Variants in SLC4A4 observed in about 807,000 individuals in gnomAD.
The protein encoded by SLC4A4 is electrogenic sodium bicarbonate cotransporter 1.
SLC4A4 carries 27 observed loss-of-function variants against 111.5 expected under a neutral mutation model. The ratio of observed to expected loss-of-function variants is 0.24; its 90% CI spans 0.18 to 0.33. SLC4A4 has a LOEUF of 0.33. Ranked by LOEUF, SLC4A4 falls within the 10% of genes least tolerant of loss-of-function variation. The pLI, the probability that SLC4A4 is intolerant of heterozygous loss-of-function variation, is 1.00. For synonymous variants in SLC4A4, 443 were observed against 463.4 expected, an observed-to-expected ratio of 0.96 and a Z score of 0.57; for missense variants, 909 against 1,315.5, an observed-to-expected ratio of 0.69 and a Z score of 4.78.
At chr4:71,142,856 C>T (rs186290607) in intron 2 of SLC4A4, among the ~76,000 whole-genome samples, 4 of 149,310 alleles carry the variant, frequency 2.7e-5, no homozygotes, top group Non-Finnish European at 4.4e-5. Context: ...TCTAGGCATG[C>T]GCAAACTGGC....
At chr4:71,353,788 A>G (rs1302814223) in intron 5 of SLC4A4, among the ~76,000 whole-genome samples, 1 of 152,190 alleles carries the variant, frequency 6.6e-6, no homozygotes, top group Admixed American at 6.5e-5. Flanking sequence ...CAAACAAACA[A>G]TAGCTGCTTT....
rs142694916 is a variant in SLC4A4, at chr4:71,079,860, G to T, written c.-64-12870G>T. On this transcript the variant is annotated intron_variant, in intron 1 of 26. Coordinates refer to the SLC4A4 transcript ENST00000649996. The stretch of plus-strand genomic sequence containing the variant: ...GCAAGTCATCATATGTCACTGTCTG[G>T]AGACAGACTCCCCTGTGAGTGCGGT... 7.4e-3 allele frequency among the ~76,000 whole-genome samples: 1,121 copies of T among 150,956 alleles called. 22 individuals are homozygous for T. Among genetic ancestry groups the T allele is most frequent in the African/African-American group, 0.026 (1,056 of 40,340 alleles).
chr4:71,234,495 G>A (rs549524942), intron 1 of SLC4A4, among the ~76,000 whole-genome samples: 126 of 152,206 alleles, frequency 8.3e-4, no homozygotes, highest in Admixed American at 1.4e-3. Context: ...GCGCTATCTC[G>A]GCTCACTGCA....
At chr4:71,136,741 G>A (rs1294067455) in intron 2 of SLC4A4, among the ~76,000 whole-genome samples, 1 of 152,144 alleles carries the variant, frequency 6.6e-6, no homozygotes, top group African/African-American at 2.4e-5. Flanking sequence ...CTACCTCAAG[G>A]AGTGTTAGGT....
At chr4:71,142,377 A>G (rs1160821605) in intron 2 of SLC4A4, among the ~76,000 whole-genome samples, 1 of 152,222 alleles carries the variant, frequency 6.6e-6, no homozygotes, top group Admixed American at 6.5e-5. Context: ...GGCGTTGGCT[A>G]AAGTAATCTT....
Position 71,209,154 on chromosome 4 carries a change from C to G in SLC4A4, c.-2+21753C>G, listed in dbSNP as rs1046425623. ...TATATGACAAGGGCACATATTTTTT[C>G]CCCCCATGCTCAATATAATATGCAA... On this transcript the variant is annotated intron_variant, in intron 1 of 25. Coordinates refer to ENST00000264485, the MANE Select transcript of SLC4A4 (RefSeq NM_001098484.3). Among the ~76,000 whole-genome samples, 4 of 152,168 alleles carry G rather than the reference C, an allele frequency of 2.6e-5. No individual in the cohort carries two copies. In the East Asian group the frequency reaches 5.8e-4, roughly 22 times the overall value.
At chr4:71,412,831 G>A (rs1280585214) in intron 7 of SLC4A4, among the ~76,000 whole-genome samples, 2 of 152,154 alleles carry the variant, frequency 1.3e-5, no homozygotes, top group Non-Finnish European at 2.9e-5. Flanking sequence ...CTGTATGTTA[G>A]GAATGTGTTC....
chr4:71,253,049 G>A (rs1721184414), intron 2 of SLC4A4, among the ~76,000 whole-genome samples: 2 of 152,136 alleles, frequency 1.3e-5, no homozygotes. Flanking sequence ...AGTGCACAGG[G>A]AAAACCAAGA....
chr4:71,460,668 G>A (rs1282904872), intron 12 of SLC4A4, among the ~76,000 whole-genome samples: 1 of 152,018 alleles, frequency 6.6e-6, no homozygotes, highest in Non-Finnish European at 1.5e-5. Context: ...AAAAAATGAG[G>A]GTTGTATATC....
rs1259216808 is a variant in SLC4A4, at chr4:71,237,419, A to AATCAGG, written c.73+771_73+776dup. 2.0e-5 allele frequency among the ~76,000 whole-genome samples: 3 copies of AATCAGG among 152,206 alleles called. No homozygotes were observed. The East Asian group carries it at 5.8e-4, about 29-fold the overall frequency. ...TCATATTTATAATGAGATTTTTAAA[A>AATCAGG]ATCAGGGTTATAGGCAATACTCAAA... On this transcript the variant is annotated intron_variant, in intron 2 of 25. Transcript: ENST00000264485.
intron 3 of SLC4A4, among the ~76,000 whole-genome samples, chr4:71,286,834 G>A (rs1239003585): frequency 1.3e-5 from 2 of 152,022 alleles, no homozygotes; most frequent in Non-Finnish European, 2.9e-5. Flanking sequence ...CAGGCACTAT[G>A]TTGTACATTC....
At chr4:71,504,663 TG>T (rs59792240) in intron 16 of SLC4A4, among the ~76,000 whole-genome samples, 5,978 of 136,492 alleles carry the variant, frequency 0.044, 218 homozygotes, top group African/African-American at 0.091. Flanking sequence ...TTGTGTTTCA[TG>T]GGGGGGGGGG....
intron 2 of SLC4A4, among the ~76,000 whole-genome samples, chr4:71,100,786 A>C (rs1331527404): frequency 1.3e-5 from 2 of 152,220 alleles, no homozygotes; most frequent in Non-Finnish European, 2.9e-5. Flanking sequence ...AATCACCAGC[A>C]TTCCTATACT....
At chr4:71,324,760 T>C (rs759255052) in intron 3 of SLC4A4, among the ~76,000 whole-genome samples, 3 of 152,034 alleles carry the variant, frequency 2.0e-5, no homozygotes, top group Admixed American at 6.6e-5. Context: ...CCAGGTAGAT[T>C]ATTTTTCTAC....
rs971058458 is a variant in SLC4A4 at position 71,571,419 on chromosome 4, T to C, written c.*3668T>C. The C allele has an allele frequency of 1.3e-5, 2 of 152,152 alleles. No individual in the cohort carries two copies. Among genetic ancestry groups the C allele is most frequent in the African/African-American group, 4.8e-5 (2 of 41,408 alleles). 9.4% of individuals were successfully genotyped at this position (152,152 alleles called of 1,614,324 possible). On this transcript the variant is annotated 3_prime_UTR_variant, in exon 26 of 26. Transcript: ENST00000264485. ...CAAGTGATATTTTGTAGCACCTCACTATCTGAAAGGCCATGAGTTTTCAGA... is the reference window on the plus strand; with the variant it reads ...CAAGTGATATTTTGTAGCACCTCACCATCTGAAAGGCCATGAGTTTTCAGA...
intron 2 of SLC4A4, among the ~76,000 whole-genome samples, chr4:71,134,720 A>G (rs1292011625): frequency 6.6e-6 from 1 of 152,118 alleles, no homozygotes; most frequent in Non-Finnish European, 1.5e-5. Flanking sequence ...AGCTTTGGCA[A>G]TTGCTCATTT....
At chr4:71,146,372 G>T (rs1362910191) in intron 2 of SLC4A4, among the ~76,000 whole-genome samples, 2 of 152,140 alleles carry the variant, frequency 1.3e-5, no homozygotes, top group African/African-American at 4.8e-5. Flanking sequence ...TTCCAACTAT[G>T]TGGTCAATTT....
chr4:71,153,221 C>T (rs1744365971), intron 2 of SLC4A4, among the ~76,000 whole-genome samples: 1 of 151,686 alleles, frequency 6.6e-6, no homozygotes, highest in Non-Finnish European at 1.5e-5. Flanking sequence ...AAGATGTAGG[C>T]TGGGAGGCTA....
intron 6 of SLC4A4, among the ~76,000 whole-genome samples, chr4:71,375,216 A>C (rs899144071): frequency 1.3e-5 from 2 of 152,168 alleles, no homozygotes; most frequent in Admixed American, 1.3e-4. Context: ...CCTGGCTGAT[A>C]AGTTACCTCC....
Sources: allele counts gnomAD v4.1 joint callset (sites outside exome capture counted in the v4.1 genomes callset), GRCh38; gene constraint gnomAD v4.1.1; transcripts MANE v1.5; gene names NCBI Gene and HGNC (gene_info 2026-07-23, HGNC 2026-07-21).